Variants in GRM4 observed in about 807,000 individuals in gnomAD.
The protein encoded by GRM4 is metabotropic glutamate receptor 4.
GRM4 carries 28 observed loss-of-function variants against 81.7 expected under a neutral mutation model. That is an observed-to-expected ratio of 0.34 (90% confidence interval 0.25 to 0.47). GRM4 has a LOEUF of 0.47. Ranked by LOEUF, GRM4 falls within the 20% of genes least tolerant of loss-of-function variation. The pLI is 1.00. For synonymous variants in GRM4, 488 were observed against 528.8 expected, an observed-to-expected ratio of 0.92 and a Z score of 1.06; for missense variants, 948 against 1,290.0, an observed-to-expected ratio of 0.73 and a Z score of 4.06.
intron 6 of GRM4, among the ~76,000 whole-genome samples, chr6:34,053,534 G>T (rs1765711674): frequency 6.6e-6 from 1 of 152,244 alleles, no homozygotes; most frequent in Non-Finnish European, 1.5e-5. Flanking sequence ...TCCCAGTGCA[G>T]CAGGAAGGAT....
chr6:34,043,973 T>C (rs1765134430), intron 6 of GRM4, among the ~76,000 whole-genome samples: 1 of 152,016 alleles, frequency 6.6e-6, no homozygotes, highest in Non-Finnish European at 1.5e-5. Flanking sequence ...CCCAGTAGCA[T>C]ATGGAAAGAC....
intron 1 of GRM4, among the ~76,000 whole-genome samples, chr6:34,153,025 A>G (rs910623535): frequency 1.3e-5 from 2 of 152,100 alleles, no homozygotes; most frequent in Non-Finnish European, 2.9e-5. Context: ...CCACTCCACA[A>G]ATGGGGAAGC....
At chr6:34,024,836 C>A in intron 10 of GRM4, 2 of 444,468 alleles carry the variant, frequency 4.5e-6, no homozygotes, top group African/African-American at 2.0e-5. Context: ...CCACAACATC[C>A]AAAAAAAGAA....
rs1015684536 is a variant in GRM4, at chr6:34,064,211, G to A, written c.737-2183C>T. On this transcript the variant is annotated intron_variant, in intron 3 of 10. Transcript: ENST00000538487. The surrounding 1 kb of genome is among the most constrained non-coding windows in gnomAD (Gnocchi z 4.4). ...CAGACCAGAAGGGAGTGCGGGGGGC[G>A]GGGGTGTGCAGAGCTCCGTAATACT... Among the ~76,000 whole-genome samples the A allele has an allele frequency of 1.3e-5, 2 of 152,104 alleles. No homozygotes were observed. The highest frequency in any genetic ancestry group is 2.1e-4 in the South Asian group (1 of 4,820).
chr6:34,044,319 G>T (rs1341799861), intron 6 of GRM4, among the ~76,000 whole-genome samples: 6 of 86,578 alleles, frequency 6.9e-5, no homozygotes, highest in South Asian at 3.7e-4. Flanking sequence ...TATATACACA[G>T]ACACACATAC....
intron 2 of GRM4, among the ~76,000 whole-genome samples, chr6:34,100,737 T>G (rs1015683115): frequency 6.6e-6 from 1 of 152,258 alleles, no homozygotes; most frequent in African/African-American, 2.4e-5. Flanking sequence ...CTCTGCCTTC[T>G]TGGGACCACT....
chr6:34,118,772 AT>A (rs1295215473), intron 2 of GRM4, among the ~76,000 whole-genome samples: 12 of 152,300 alleles, frequency 7.9e-5, no homozygotes, highest in African/African-American at 2.6e-4. Context: ...TAAAATATGC[AT>A]TTTTTAATTG....
chr6:34,082,521 G>A (rs562604911), intron 3 of GRM4, among the ~76,000 whole-genome samples: 18 of 152,294 alleles, frequency 1.2e-4, no homozygotes, highest in African/African-American at 4.1e-4. Context: ...GCATGCTGTC[G>A]ATAAAGCTGA....
chr6:34,022,820 G>A lies in GRM4; in HGVS notation c.*1C>T, dbSNP rs141182525. 1.6e-4 allele frequency: 265 copies of A among 1,612,786 alleles called. No homozygotes were observed. The highest frequency in any genetic ancestry group is 5.0e-4 in the Middle Eastern group (3 of 6,060). On this transcript the variant is annotated 3_prime_UTR_variant, in exon 11 of 11. Transcript: ENST00000538487. This position sits in a 1 kb window ranked among gnomAD's most constrained non-coding sequence, Gnocchi z 5.6. ...TCCTGCTGCTCAGCTCCATGGACTCGCTAGATTGCATGGTTGGTGTAAGTG... is the reference window on the plus strand; with the variant it reads ...TCCTGCTGCTCAGCTCCATGGACTCACTAGATTGCATGGTTGGTGTAAGTG...
chr6:34,047,334 C>A lies in GRM4; in HGVS notation c.1169-6586G>T, dbSNP rs780049056. Among the ~76,000 whole-genome samples the A allele has an allele frequency of 2.0e-5, 3 of 152,102 alleles. No homozygotes were observed. The highest frequency in any genetic ancestry group is 4.2e-4 in the South Asian group (2 of 4,816). ...CATGCGATGGGCGAGGGATGCCCACCGCATAGACAGACCCAGACCTAGCCC... is the reference window on the plus strand; with the variant it reads ...CATGCGATGGGCGAGGGATGCCCACAGCATAGACAGACCCAGACCTAGCCC... On this transcript the variant is annotated intron_variant, in intron 6 of 10. Transcript: ENST00000538487. This position sits in a 1 kb window ranked among gnomAD's most constrained non-coding sequence, Gnocchi z 4.5.
intron 2 of GRM4, among the ~76,000 whole-genome samples, chr6:34,097,076 T>G (rs1768563075): frequency 6.6e-6 from 1 of 152,188 alleles, no homozygotes. Flanking sequence ...TTCTGAGGGC[T>G]GGGGATGGAC....
chr6:34,118,574 G>A (rs1207088036), intron 2 of GRM4, among the ~76,000 whole-genome samples: 1 of 152,208 alleles, frequency 6.6e-6, no homozygotes, highest in East Asian at 1.9e-4. Flanking sequence ...GAATGATCAA[G>A]AAGTGACTGT....
Position 34,036,010 on chromosome 6 carries a change from C to T in GRM4, c.2100G>A (p.Leu700=), listed in dbSNP as rs1043074141. 1 of 1,613,890 alleles carries T rather than the reference C, an allele frequency of 6.2e-7. No homozygotes were observed. Among genetic ancestry groups the T allele is most frequent in the African/African-American group, 1.3e-5 (1 of 74,938 alleles). The change falls in exon 9 of 11, where the codon CTG becomes CTA. Residue 700 remains leucine, a synonymous_variant. Transcript: ENST00000538487. The surrounding 1 kb of genome is among the most constrained non-coding windows in gnomAD (Gnocchi z 9.0). ...APRFISPASQ[L]AITFSLISLQ... is the part of the protein sequence containing the mutation. ...GCGAGATGAGGCTGAAGGTGATGGC[C>T]AGCTGTGAGGCGGGGCTGATGAAGC... is the stretch of plus-strand genomic sequence containing the variant.
rs1299812127 is a variant in GRM4, at chr6:34,069,190, ACACACACACACACACG to A, written c.737-7178_737-7163del. On this transcript the variant is annotated intron_variant, in intron 3 of 10. Transcript: ENST00000538487. This position sits in a 1 kb window ranked among gnomAD's most constrained non-coding sequence, Gnocchi z 6.4. ...TATACACACACACACACACACACAC[ACACACACACACACACG>A]CACGCACACACGGCTCCTTCCTTCT... is the stretch of plus-strand genomic sequence containing the variant. Among the ~76,000 whole-genome samples, 8 of 147,030 alleles carry A rather than the reference ACACACACACACACACG, an allele frequency of 5.4e-5. No individual in the cohort carries two copies. Among genetic ancestry groups the A allele is most frequent in the African/African-American group, 1.8e-4 (7 of 38,170 alleles).
In GRM4 at chr6:34,028,236, C is replaced by T. The variant is rs371727193; in HGVS notation, c.2573G>A (p.Arg858His). Residue 858 changes from arginine (R) to histidine (H), a missense_variant, in exon 10 of 11, where the codon CGC becomes CAC. Arg to His is a conservative substitution (Grantham distance 29). Transcript: ENST00000538487. ...HPEQNVPKRK[R>H]SLKAVVTAAT... Reference sequence around the variant, plus strand: ...CGCCGTAACGACGGCTTTGAGGCTGCGCTTGCGCTTGGGCACGTTCTGCTC... The same window carrying T: ...CGCCGTAACGACGGCTTTGAGGCTGTGCTTGCGCTTGGGCACGTTCTGCTC... 17 of 1,614,084 alleles carry T rather than the reference C, an allele frequency of 1.1e-5. No homozygotes were observed. The highest frequency in any genetic ancestry group is 1.4e-5 in the Non-Finnish European group (17 of 1,180,030).
intron 10 of GRM4, among the ~76,000 whole-genome samples, chr6:34,025,806 G>C (rs964218841): frequency 6.6e-6 from 1 of 152,216 alleles, no homozygotes; most frequent in Non-Finnish European, 1.5e-5. Flanking sequence ...TCATCTGTAA[G>C]ATGGGGTGAT....
At chr6:34,143,468 G>A (rs925440741) in intron 1 of GRM4, among the ~76,000 whole-genome samples, 3 of 152,174 alleles carry the variant, frequency 2.0e-5, no homozygotes, top group Non-Finnish European at 2.9e-5. Context: ...AGGCCCCTGC[G>A]CTATGGGTGC....
At chr6:34,110,797 C>T in intron 2 of GRM4, 4 of 1,408,478 alleles carry the variant, frequency 2.8e-6, no homozygotes. Flanking sequence ...CTGGCCCAGG[C>T]TGCAGGCCAT....
intron 4 of GRM4, chr6:34,060,588 TCAAAAA>T (rs1430676782): frequency 2.0e-5 from 3 of 152,186 alleles, no homozygotes; most frequent in Non-Finnish European, 4.4e-5. Context: ...GAAGGTGTCC[TCAAAAA>T]CAGCAGGCCT....
Sources: allele counts gnomAD v4.1 joint callset (sites outside exome capture counted in the v4.1 genomes callset), GRCh38; gene constraint gnomAD v4.1.1; non-coding constraint Gnocchi (gnomAD v3.1); transcripts MANE v1.5; gene names NCBI Gene and HGNC (gene_info 2026-07-23, HGNC 2026-07-21).